The following HYOU1 variants were observed in gnomAD, a reference collection of about 807,000 sequenced individuals.
HYOU1 encodes hypoxia up-regulated protein 1.
Under a neutral mutation model 120.5 loss-of-function variants are expected in HYOU1, and 40 were observed. The ratio of observed to expected loss-of-function variants is 0.33; its 90% CI spans 0.26 to 0.43. The LOEUF (loss-of-function observed/expected upper bound fraction) is 0.43. Ranked by LOEUF, HYOU1 falls within the 20% of genes least tolerant of loss-of-function variation. The pLI, the probability that HYOU1 is intolerant of heterozygous loss-of-function variation, is 1.00. For missense variants in HYOU1, 1,085 were observed against 1,278.3 expected (o/e 0.85, Z 2.31); for synonymous variants, 501 against 479.4 (o/e 1.05, Z -0.59).
intron 16 of HYOU1, 97 bp from the exon 17 acceptor site, chr11:119,049,300 G>C: frequency 6.4e-7 from 1 of 1,574,550 alleles, no homozygotes; most frequent in Non-Finnish European, 8.6e-7. Context: ...TTCCATACAG[G>C]TGACTGCTGT....
In HYOU1 at chr11:119,056,627, G is replaced by C. The variant is rs80093855; in HGVS notation, c.-8+393C>G. On this transcript the variant is annotated intron_variant, in intron 1 of 25. Transcript: ENST00000617285. The stretch of plus-strand genomic sequence containing the variant: ...CGGGAAGAGAAAGGTAATGACGTTG[G>C]GGGTAGCTAGGATGAAGGAAAGGCC... 2.4e-4 allele frequency among the ~76,000 whole-genome samples: 37 copies of C among 152,370 alleles called. No homozygotes were observed. In the East Asian group the frequency reaches 6.0e-3, roughly 25 times the overall value.
In HYOU1 at chr11:119,046,762, G is replaced by A. The variant is rs2133553227; in HGVS notation, c.2636C>T (p.Pro879Leu). Residue 879 changes from proline to leucine, a missense_variant, in exon 23 of 26, where the codon CCC (proline) becomes CTC (leucine). Coordinates refer to ENST00000617285, the MANE Select transcript of HYOU1 (RefSeq NM_006389.5). ...GAGCAACACAGGCTTCTCTGTGGCG[G>A]GCAGCTTAGCCTGCTCGGCCAGAGT... ...NATLAEQAKL[P>L]ATEKPVLLSK... 1.2e-6 allele frequency: 2 copies of A among 1,603,862 alleles called. No individual in the cohort carries two copies. The highest frequency in any genetic ancestry group is 8.5e-7 in the Non-Finnish European group (1 of 1,179,978).
Sources: allele counts gnomAD v4.1 joint callset (sites outside exome capture counted in the v4.1 genomes callset), GRCh38; gene constraint gnomAD v4.1.1; transcripts MANE v1.5; gene names NCBI Gene and HGNC (gene_info 2026-07-23, HGNC 2026-07-21).